Variants in PID1 observed in about 807,000 individuals in gnomAD.
PID1 encodes phosphotyrosine interaction domain containing 1, also known as PTB-containing, cubilin and LRP1-interacting protein.
A neutral mutation model predicts 19.1 loss-of-function variants in PID1; 10 were observed. The observed-to-expected ratio is 0.52, with a 90% CI of 0.32 to 0.89. The LOEUF is 0.89. Ranked by LOEUF, PID1 falls within the 40% of genes least tolerant of loss-of-function variation. The pLI is 0.03. For synonymous variants in PID1, 130 were observed against 116.0 expected (o/e 1.12, Z -0.78); for missense variants, 248 against 285.3 (o/e 0.87, Z 0.94).
At chr2:229,091,311 A>G (rs1025570925) in intron 2 of PID1, among the ~76,000 whole-genome samples, 1 of 152,030 alleles carries the variant, frequency 6.6e-6, no homozygotes, top group Non-Finnish European at 1.5e-5. Flanking sequence ...GACACAAATA[A>G]GTAAGAGAGT....
At chr2:229,062,158 T>C (rs141121845) in intron 2 of PID1, among the ~76,000 whole-genome samples, 84 of 152,086 alleles carry the variant, frequency 5.5e-4, no homozygotes, top group African/African-American at 1.9e-3. Flanking sequence ...GCCATCATTG[T>C]TTTATTTCTG....
chr2:229,095,322 A>G (rs1287959287), intron 2 of PID1, among the ~76,000 whole-genome samples: 9 of 152,194 alleles, frequency 5.9e-5, no homozygotes, highest in African/African-American at 1.9e-4. Flanking sequence ...AATGGTAGAA[A>G]TTAAATGACC....
chr2:229,270,808 G>A (rs1478782560), intron 1 of PID1, among the ~76,000 whole-genome samples: 1 of 152,148 alleles, frequency 6.6e-6, no homozygotes, highest in Non-Finnish European at 1.5e-5. Context: ...TGTAACGCCT[G>A]AACCCGTGCG....
At chr2:229,253,920 T>C (rs549784477) in intron 1 of PID1, among the ~76,000 whole-genome samples, 4 of 152,234 alleles carry the variant, frequency 2.6e-5, no homozygotes, top group African/African-American at 7.2e-5. Flanking sequence ...TAACACTGAA[T>C]TGAAAGGAGA....
intron 2 of PID1, among the ~76,000 whole-genome samples, chr2:229,099,850 A>G (rs1179755519): frequency 6.6e-6 from 1 of 152,206 alleles, no homozygotes; most frequent in African/African-American, 2.4e-5. Context: ...TTATTTTTAC[A>G]TTGTATAATT....
At chr2:229,049,787 A>T (rs1693954027) in intron 2 of PID1, among the ~76,000 whole-genome samples, 1 of 152,206 alleles carries the variant, frequency 6.6e-6, no homozygotes, top group African/African-American at 2.4e-5. Context: ...AATCAGGAAA[A>T]GTCATCGACA....
chr2:229,092,941 G>A (rs1036176179), intron 2 of PID1, among the ~76,000 whole-genome samples: 2 of 151,964 alleles, frequency 1.3e-5, no homozygotes, highest in Non-Finnish European at 2.9e-5. Context: ...CCTGATTCAT[G>A]CTCCAATCCC....
At chr2:229,088,374 G>A (rs1694809179) in intron 2 of PID1, among the ~76,000 whole-genome samples, 1 of 152,072 alleles carries the variant, frequency 6.6e-6, no homozygotes, top group Admixed American at 6.6e-5. Context: ...CCAGTAAGAT[G>A]AGGACAGCGT....
chr2:229,039,450 G>A (rs913545542), intron 2 of PID1, among the ~76,000 whole-genome samples: 1 of 152,156 alleles, frequency 6.6e-6, no homozygotes. Context: ...ACATCTAAAA[G>A]AGCCATGTAG....
intron 2 of PID1, among the ~76,000 whole-genome samples, chr2:229,128,984 C>T (rs953355745): frequency 2.6e-5 from 4 of 152,130 alleles, no homozygotes; most frequent in Non-Finnish European, 5.9e-5. Flanking sequence ...ATGCCTGTAT[C>T]AAAACATCTC....
intron 1 of PID1, among the ~76,000 whole-genome samples, chr2:229,214,249 T>C (rs1180955961): frequency 6.7e-6 from 1 of 148,794 alleles, no homozygotes; most frequent in Non-Finnish European, 1.5e-5. Context: ...TAGCAAGTGG[T>C]AGAGCAAAGA....
intron 2 of PID1, among the ~76,000 whole-genome samples, chr2:229,125,185 G>A (rs148996400): frequency 1.5e-3 from 230 of 152,174 alleles, no homozygotes; most frequent in African/African-American, 5.0e-3. Context: ...ATCCATGTGT[G>A]GGCCTCCATG....
intron 1 of PID1, among the ~76,000 whole-genome samples, chr2:229,175,787 T>C (rs1690808650): frequency 6.6e-6 from 1 of 152,220 alleles, no homozygotes; most frequent in East Asian, 1.9e-4. Flanking sequence ...AAACAAACTC[T>C]CTTTTGCTGT....
At chr2:229,043,411 A>G (rs1193085156) in intron 2 of PID1, among the ~76,000 whole-genome samples, 1 of 152,252 alleles carries the variant, frequency 6.6e-6, no homozygotes, top group Non-Finnish European at 1.5e-5. Flanking sequence ...AATGGTGTCT[A>G]GTTAAAGTCA....
At chr2:229,041,900 T>C (rs760451616) in intron 2 of PID1, among the ~76,000 whole-genome samples, 22 of 152,180 alleles carry the variant, frequency 1.4e-4, no homozygotes, top group Non-Finnish European at 2.9e-4. Flanking sequence ...TTAAAGGACA[T>C]TAATGAGACC....
intron 2 of PID1, among the ~76,000 whole-genome samples, chr2:229,098,073 T>C (rs1283938857): frequency 1.3e-5 from 2 of 152,208 alleles, no homozygotes; most frequent in South Asian, 4.1e-4. Context: ...CATTGAATCA[T>C]GAGCCTATGC....
At chr2:229,215,504 T>A (rs570347491) in intron 1 of PID1, among the ~76,000 whole-genome samples, 1 of 152,220 alleles carries the variant, frequency 6.6e-6, no homozygotes, top group South Asian at 2.1e-4. Flanking sequence ...TAAAATACAC[T>A]AGGTTGCAGC....
At chr2:229,121,034 TGAA>T (rs903474010) in intron 2 of PID1, among the ~76,000 whole-genome samples, 53 of 152,184 alleles carry the variant, frequency 3.5e-4, no homozygotes, top group African/African-American at 1.3e-3. Flanking sequence ...CTTCCCAGCA[TGAA>T]GAACTGTGAG....
chr2:229,052,454 T>C (rs1694014827), intron 2 of PID1, among the ~76,000 whole-genome samples: 1 of 152,176 alleles, frequency 6.6e-6, no homozygotes, highest in Admixed American at 6.5e-5. Context: ...TCATAGTAAG[T>C]TTTTACTGCT....
Sources: gnomAD v4.1 joint callset for allele counts (sites outside exome capture counted in the v4.1 genomes callset) on GRCh38, gnomAD v4.1.1 for gene constraint, MANE v1.5 for transcripts, NCBI Gene and HGNC (gene_info 2026-07-23, HGNC 2026-07-21) for gene names.